AGMO: variants seen among roughly 807,000 people sequenced by gnomAD.
AGMO encodes the protein glyceryl-ether monooxygenase.
A neutral mutation model predicts 60.2 loss-of-function variants in AGMO; 75 were observed. That is an observed-to-expected ratio of 1.25 (90% CI 1.03 to 1.51). The LOEUF (loss-of-function observed/expected upper bound fraction) is 1.51. Ranked by LOEUF, AGMO falls within the 40% of genes most tolerant of loss-of-function variation. AGMO has a pLI of 0.00. For missense variants in AGMO, 763 were observed against 525.5 expected (o/e 1.45, Z -4.42); for synonymous variants, 261 against 177.1 (o/e 1.47, Z -3.76).
chr7:15,173,251 C>T, the AGMO span, among the ~76,000 whole-genome samples: 1 of 151,948 alleles, frequency 6.6e-6, no homozygotes, highest in Non-Finnish European at 1.5e-5. Context: ...TGTATCACTG[C>T]AGAAGGCCCA....
At chr7:15,291,993 CAAGT>C (rs1433877073) in intron 12 of AGMO, among the ~76,000 whole-genome samples, 3 of 152,014 alleles carry the variant, frequency 2.0e-5, no homozygotes, top group Non-Finnish European at 4.4e-5. Context: ...ATAGAAGACT[CAAGT>C]AAGCCAATAA....
intron 12 of AGMO, among the ~76,000 whole-genome samples, chr7:15,282,783 T>C (rs1009283926): frequency 1.2e-4 from 19 of 152,110 alleles, no homozygotes; most frequent in Admixed American, 5.9e-4. Flanking sequence ...CCGAAGCATA[T>C]ACTCATTGGG....
chr7:15,520,336 C>T lies in AGMO; in HGVS notation c.409+24436G>A, dbSNP rs181236152. On this transcript the variant is annotated intron_variant, in intron 3 of 12. Transcript: ENST00000342526. Reference sequence around the variant, plus strand: ...TATTCAGGTTGTGAACTCAGCTCTGCATCAAGCAGACCTAATAGACATCTA... The same window carrying T: ...TATTCAGGTTGTGAACTCAGCTCTGTATCAAGCAGACCTAATAGACATCTA... Among the ~76,000 whole-genome samples, 1,371 of 152,270 alleles carry T rather than the reference C, an allele frequency of 9.0e-3. 22 individuals carry two copies. Among genetic ancestry groups the T allele is most frequent in the African/African-American group, 0.031 (1,295 of 41,560 alleles).
At chr7:15,265,394 T>C (rs60998954) in intron 12 of AGMO, among the ~76,000 whole-genome samples, 7,603 of 151,984 alleles carry the variant, frequency 0.05, 585 homozygotes, top group African/African-American at 0.17. Context: ...CATCACGCAG[T>C]ATACCCATGT....
intron 10 of AGMO, among the ~76,000 whole-genome samples, chr7:15,379,656 C>A (rs1425836434): frequency 2.0e-5 from 3 of 152,070 alleles, no homozygotes; most frequent in Non-Finnish European, 2.9e-5. Flanking sequence ...AGATTCACAG[C>A]TGAATTCTAC....
At chr7:15,430,086 G>T (rs1781184124) in intron 4 of AGMO, among the ~76,000 whole-genome samples, 1 of 151,902 alleles carries the variant, frequency 6.6e-6, no homozygotes, top group Non-Finnish European at 1.5e-5. Flanking sequence ...AATAATTTCT[G>T]TGTATGAAGG....
chr7:15,491,655 G>C (rs1226405725), intron 3 of AGMO, among the ~76,000 whole-genome samples: 1 of 152,126 alleles, frequency 6.6e-6, no homozygotes, highest in Non-Finnish European at 1.5e-5. Flanking sequence ...AGGAAAAACA[G>C]ATTATCATGT....
the AGMO span, among the ~76,000 whole-genome samples, chr7:15,164,639 T>C: frequency 6.6e-6 from 1 of 151,882 alleles, no homozygotes; most frequent in Admixed American, 6.6e-5. Context: ...CCTCACTAAT[T>C]TTCAGAGAAA....
At chr7:15,257,588 A>G (rs1283792132) in intron 12 of AGMO, among the ~76,000 whole-genome samples, 1 of 152,250 alleles carries the variant, frequency 6.6e-6, no homozygotes, top group Admixed American at 6.5e-5. Flanking sequence ...GATTAGAAAT[A>G]CAATTGCCTT....
intron 12 of AGMO, among the ~76,000 whole-genome samples, chr7:15,303,546 G>T (rs1052127917): frequency 2.0e-5 from 3 of 152,072 alleles, no homozygotes; most frequent in African/African-American, 7.2e-5. Flanking sequence ...CCTAAAAAAT[G>T]TAAGTGATCT....
At position 15,392,426 on chromosome 7, in the gene AGMO, C is replaced by T. The variant is rs139814439; in HGVS notation, c.677-1521G>A. Among the ~76,000 whole-genome samples, 792 of 152,212 alleles carry T rather than the reference C, an allele frequency of 5.2e-3. 5 individuals carry two copies. The highest frequency in any genetic ancestry group is 0.018 in the African/African-American group (750 of 41,522). ...GTGTATAATCCCCTTGGCCTCTCCA[C>T]TCCCCAATTAGAGATACTTCTTGAC... On this transcript the variant is annotated intron_variant, in intron 6 of 12. Coordinates refer to ENST00000342526, the MANE Select transcript of AGMO (RefSeq NM_001004320.2).
At chr7:15,120,513 A>G in the AGMO span, among the ~76,000 whole-genome samples, 4 of 152,168 alleles carry the variant, frequency 2.6e-5, no homozygotes, top group Non-Finnish European at 5.9e-5. Flanking sequence ...ATGGGACTCC[A>G]TGATAGGATT....
chr7:15,181,419 C>T, the AGMO span, among the ~76,000 whole-genome samples: 2 of 152,190 alleles, frequency 1.3e-5, no homozygotes, highest in African/African-American at 4.8e-5. Flanking sequence ...TCATTCTTCA[C>T]TGGACCCAAA....
At chr7:15,523,710 A>G (rs1157821099) in intron 3 of AGMO, among the ~76,000 whole-genome samples, 1 of 152,122 alleles carries the variant, frequency 6.6e-6, no homozygotes, top group African/African-American at 2.4e-5. Context: ...AGGAAGGGAT[A>G]GCATTAGGAG....
rs1199445218 is a variant in AGMO at position 15,218,876 on chromosome 7, G to T, written c.1264-17517C>A. On this transcript the variant is annotated intron_variant, in intron 12 of 12. Coordinates refer to ENST00000342526, the MANE Select transcript of AGMO (RefSeq NM_001004320.2). ...CATATTTGGAATTAACAGAAAAATT[G>T]AAAGAGAAGTCCATCTATGGGGCTA... 8.5e-5 allele frequency among the ~76,000 whole-genome samples: 13 copies of T among 152,248 alleles called. No individual in the cohort carries two copies. In the South Asian group the frequency reaches 2.7e-3, roughly 32 times the overall value.
chr7:15,383,050 T>C (rs933426319), intron 10 of AGMO, among the ~76,000 whole-genome samples: 1 of 152,098 alleles, frequency 6.6e-6, no homozygotes, highest in African/African-American at 2.4e-5. Flanking sequence ...GGATCCTGTG[T>C]AGTTGACCCT....
intron 12 of AGMO, among the ~76,000 whole-genome samples, chr7:15,276,423 C>CA (rs1391500300): frequency 6.6e-6 from 1 of 151,846 alleles, no homozygotes; most frequent in Non-Finnish European, 1.5e-5. Context: ...ATGAGATTTA[C>CA]ATTATAGGTG....
intron 12 of AGMO, among the ~76,000 whole-genome samples, chr7:15,248,955 T>C (rs1033277685): frequency 1.3e-5 from 2 of 152,218 alleles, no homozygotes; most frequent in Admixed American, 6.5e-5. Context: ...AAAGGGAGGA[T>C]ACATAAATCG....
chr7:15,432,441 T>A (rs1781281067), intron 3 of AGMO, among the ~76,000 whole-genome samples: 3 of 149,842 alleles, frequency 2.0e-5, no homozygotes, highest in South Asian at 2.1e-4. Context: ...ACAGTCTGTA[T>A]AGAGAATTAC....
Sources: allele counts gnomAD v4.1 joint callset (sites outside exome capture counted in the v4.1 genomes callset), GRCh38; gene constraint gnomAD v4.1.1; transcripts MANE v1.5; gene names NCBI Gene and HGNC (gene_info 2026-07-23, HGNC 2026-07-21).